SF3B6: variants seen among roughly 807,000 people sequenced by gnomAD.
SF3B6 encodes SF3b 14 kDa subunit.
In SF3B6, 3 loss-of-function variants were observed where a neutral mutation model predicts 15.9. The observed-to-expected ratio is 0.19, with a 90% CI of 0.09 to 0.49. SF3B6 has a LOEUF of 0.49. Among genes scored for constraint, SF3B6 ranks in the 20% least tolerant of loss-of-function variants. The pLI is 0.97. For synonymous variants in SF3B6, 49 were observed against 51.1 expected (o/e 0.96, Z 0.18); for missense variants, 71 against 154.3 (o/e 0.46, Z 2.86).
Position 24,076,312 on chromosome 2 carries a change from A to G in SF3B6, c.-83T>C. On this transcript the variant is annotated 5_prime_UTR_variant, in exon 1 of 4. Transcript: ENST00000233468. Reference sequence around the variant, plus strand: ...GGCTTCGGGGGTTACACCGCGTTAGATGCAGGACATCAACATCCAGGACCC... The same window carrying G: ...GGCTTCGGGGGTTACACCGCGTTAGGTGCAGGACATCAACATCCAGGACCC... 6.5e-7 allele frequency: 1 copy of G among 1,534,002 alleles called. No individual in the cohort carries two copies. Among genetic ancestry groups the G allele is most frequent in the Non-Finnish European group, 9.0e-7 (1 of 1,106,872 alleles).
At position 24,074,079 on chromosome 2, in the gene SF3B6, C is replaced by G; in HGVS notation, c.146G>C (p.Arg49Thr). 1 of 1,539,250 alleles carries G rather than the reference C, an allele frequency of 6.5e-7. No individual in the cohort carries two copies. The highest frequency in any genetic ancestry group is 9.0e-7 in the Non-Finnish European group (1 of 1,115,194). Residue 49 changes from arginine (R) to threonine (T), a missense_variant, in exon 2 of 4, where the codon AGA becomes ACA. Arg to Thr is a moderately conservative substitution (Grantham distance 71). Coordinates refer to ENST00000233468, the MANE Select transcript of SF3B6 (RefSeq NM_016047.4). ...FGKYGPIRQIRVGNTPETRGT... is the reference protein window; with the variant it reads ...FGKYGPIRQITVGNTPETRGT... ...TAAATGACTCAGTAAGACTCACACT[C>G]TGATTTGACGAATAGGTCCATATTT...
intron 3 of SF3B6, 127 bp from the exon 4 acceptor site, chr2:24,067,978 C>T (rs1163990548): frequency 2.9e-5 from 23 of 801,948 alleles, no homozygotes; most frequent in African/African-American, 6.8e-5. Context: ...TACACTAATT[C>T]TCTTGAGACG....
At chr2:24,073,092 A>G (rs1485524360) in intron 2 of SF3B6, among the ~76,000 whole-genome samples, 1 of 152,184 alleles carries the variant, frequency 6.6e-6, no homozygotes, top group Non-Finnish European at 1.5e-5. Context: ...ATGATCATGT[A>G]TTTCCAGCTC....
intron 2 of SF3B6, among the ~76,000 whole-genome samples, chr2:24,071,739 G>A (rs1282765136): frequency 6.6e-6 from 1 of 152,180 alleles, no homozygotes; most frequent in East Asian, 1.9e-4. Context: ...AGAATGAGGA[G>A]GAGCCAGGCA....
chr2:24,073,163 C>T (rs1664683251), intron 2 of SF3B6, among the ~76,000 whole-genome samples: 1 of 152,168 alleles, frequency 6.6e-6, no homozygotes, highest in South Asian at 2.1e-4. Flanking sequence ...ACCTCATAGT[C>T]CTAAAGCCAG....
rs780722484 is a variant in SF3B6, at chr2:24,068,443, T to C, written c.166A>G (p.Thr56Ala). 6.2e-7 allele frequency: 1 copy of C among 1,613,116 alleles called. No homozygotes were observed. Among genetic ancestry groups the C allele is most frequent in the Non-Finnish European group, 8.5e-7 (1 of 1,179,664 alleles). The change falls in exon 3 of 4, where the codon ACT (threonine) becomes GCT (alanine). Residue 56 changes from threonine (T) to alanine (A), a missense_variant. Physicochemically the swap from Thr to Ala is moderately conservative, Grantham distance 58. Coordinates refer to ENST00000233468, the MANE Select transcript of SF3B6 (RefSeq NM_016047.4). ...TAGACCACATAAGCTGTTCCTCTAG[T>C]TTCAGGTGTGTTCCCCCTGGAGAGG... Reference protein sequence around the residue: ...RQIRVGNTPETRGTAYVVYED... With the variant: ...RQIRVGNTPEARGTAYVVYED...
intron 2 of SF3B6, among the ~76,000 whole-genome samples, chr2:24,072,846 CAG>C (rs1250595541): frequency 6.6e-6 from 1 of 152,200 alleles, no homozygotes; most frequent in Non-Finnish European, 1.5e-5. Context: ...ATCCCCAAGG[CAG>C]GGATTCGCCA....
Position 24,074,175 on chromosome 2 carries a change from A to G in SF3B6, c.50T>C (p.Val17Ala). 1 of 1,593,244 alleles carries G rather than the reference A, an allele frequency of 6.3e-7. No individual in the cohort carries two copies. ...ATTTCTTATATACAATATCCGATTT[A>G]CTTCAGGTGGAAGTCGAATCTAAAA... ...KRANIRLPPE[V>A]NRILYIRNLP... Residue 17 changes from valine (V) to alanine (A), a missense_variant, in exon 2 of 4, where the codon GTA becomes GCA. By Grantham distance (64) the Val-to-Ala change is moderately conservative. Around this residue, in one of 3 missense-constraint regions of SF3B6, gnomAD observed 17 missense variants for 19.9 expected, o/e 0.86. Coordinates refer to ENST00000233468, the MANE Select transcript of SF3B6 (RefSeq NM_016047.4).
At chr2:24,071,816 C>T (rs1321712268) in intron 2 of SF3B6, among the ~76,000 whole-genome samples, 1 of 152,204 alleles carries the variant, frequency 6.6e-6, no homozygotes, top group African/African-American at 2.4e-5. Flanking sequence ...CTGAGCTGCT[C>T]TGCACTCTTC....
At chr2:24,072,029 C>T (rs1297016428) in intron 2 of SF3B6, among the ~76,000 whole-genome samples, 1 of 152,216 alleles carries the variant, frequency 6.6e-6, no homozygotes, top group Admixed American at 6.5e-5. Flanking sequence ...GTCGCCCAGA[C>T]TGGAGTGCAG....
chr2:24,074,815 A>G (rs1664705780), intron 1 of SF3B6, among the ~76,000 whole-genome samples: 1 of 152,210 alleles, frequency 6.6e-6, no homozygotes, highest in Admixed American at 6.5e-5. Context: ...AGATACACCT[A>G]TATCACACAT....
chr2:24,071,768 A>G (rs1269350254), intron 2 of SF3B6, among the ~76,000 whole-genome samples: 1 of 152,074 alleles, frequency 6.6e-6, no homozygotes, highest in Non-Finnish European at 1.5e-5. Context: ...GCTGGTGAAA[A>G]CCATTCCAGA....
intron 1 of SF3B6, among the ~76,000 whole-genome samples, chr2:24,075,333 TTTTC>T (rs36188791): frequency 0.43 from 56,902 of 131,742 alleles, 13,506 homozygotes; most frequent in East Asian, 0.7. Flanking sequence ...ATTGCTTGTC[TTTTC>T]TTTCTTTCTT....
rs1174755363 is a variant in SF3B6, at chr2:24,076,062, A to G, written c.30+138T>C. On this transcript the variant is annotated intron_variant, in intron 1 of 3. Coordinates refer to ENST00000233468, the MANE Select transcript of SF3B6 (RefSeq NM_016047.4). ...CATATCTCTGAGGATGGGGCCGGAT[A>G]GTGTCTTCGCTGACAGGATAGGAAT... The G allele has an allele frequency of 6.4e-6, 7 of 1,097,548 alleles. No homozygotes were observed. In the Admixed American group the frequency reaches 1.2e-4, roughly 19 times the overall value. The allele number at this position is 1,097,548 out of a possible 1,614,324, so 68.0% of individuals were successfully genotyped here.
chr2:24,072,841 C>T (rs1664678151), intron 2 of SF3B6, among the ~76,000 whole-genome samples: 1 of 152,206 alleles, frequency 6.6e-6, no homozygotes, highest in Admixed American at 6.5e-5. Flanking sequence ...TCCTGATCCC[C>T]AAGGCAGGGA....
rs35636238 is a variant in SF3B6, at chr2:24,076,145, C to G, written c.30+55G>C. On this transcript the variant is annotated intron_variant, in intron 1 of 3. Coordinates refer to ENST00000233468, the MANE Select transcript of SF3B6 (RefSeq NM_016047.4). ...AGCAAGAATGCTCCGATCCACGCCG[C>G]TAAGAAAGTCAAACCCGAAGTTCTC... The G allele has an allele frequency of 4.1e-4, 663 of 1,611,578 alleles. 1 individual carries two copies. The highest frequency in any genetic ancestry group is 5.5e-4 in the Non-Finnish European group (643 of 1,177,822).
intron 1 of SF3B6, 110 bp downstream of exon 1, chr2:24,076,090 T>C: frequency 7.3e-7 from 1 of 1,377,174 alleles, no homozygotes; most frequent in Non-Finnish European, 1.0e-6. Flanking sequence ...ATAGGAATTC[T>C]GGAGTTCTCC....
At chr2:24,067,894 G>T in intron 3 of SF3B6, 43 bp from the exon 4 acceptor site, 1 of 1,541,928 alleles carries the variant, frequency 6.5e-7, no homozygotes, top group Non-Finnish European at 9.0e-7. Flanking sequence ...CCAATCTACA[G>T]CCAAATGAAT....
At chr2:24,069,611 G>A (rs1433270183) in intron 2 of SF3B6, among the ~76,000 whole-genome samples, 1 of 152,122 alleles carries the variant, frequency 6.6e-6, no homozygotes, top group Non-Finnish European at 1.5e-5. Flanking sequence ...CCTTACATAG[G>A]GTTGAATAAA....
Sources: allele counts gnomAD v4.1 joint callset (sites outside exome capture counted in the v4.1 genomes callset), GRCh38; gene constraint gnomAD v4.1.1; regional missense constraint gnomAD v4.1.1; transcripts MANE v1.5; gene names NCBI Gene and HGNC (gene_info 2026-07-23, HGNC 2026-07-21).